CTNND2: variants seen among roughly 807,000 people sequenced by gnomAD.
CTNND2 encodes the protein catenin delta-2.
In CTNND2, 22 loss-of-function variants were observed where a neutral mutation model predicts 144.4. The ratio of observed to expected loss-of-function variants is 0.15; its 90% confidence interval spans 0.11 to 0.22. CTNND2 has a LOEUF of 0.22. Ranked by LOEUF, CTNND2 falls within the 10% of genes least tolerant of loss-of-function variation. The pLI is 1.00. For missense variants in CTNND2, 1,353 were observed against 1,618.8 expected, an observed-to-expected ratio of 0.84 and a Z score of 2.82; for synonymous variants, 751 against 695.6, an observed-to-expected ratio of 1.08 and a Z score of -1.25.
intron 2 of CTNND2, among the ~76,000 whole-genome samples, chr5:11,565,905 T>G (rs972657780): frequency 5.3e-5 from 8 of 152,172 alleles, no homozygotes; most frequent in African/African-American, 1.7e-4. Flanking sequence ...CAGGGAAAGT[T>G]TTTACAATGT....
chr5:11,019,971 G>A (rs773986370), intron 17 of CTNND2, among the ~76,000 whole-genome samples: 1 of 152,170 alleles, frequency 6.6e-6, no homozygotes, highest in African/African-American at 2.4e-5. Context: ...TCAAAATGGC[G>A]AGTATAAGAC....
intron 11 of CTNND2, among the ~76,000 whole-genome samples, chr5:11,187,177 C>A (rs1029954537): frequency 4.6e-5 from 7 of 152,126 alleles, no homozygotes; most frequent in African/African-American, 1.7e-4. Context: ...GCTTGACTTA[C>A]CCATATATAA....
At chr5:11,182,097 G>A (rs1361039748) in intron 11 of CTNND2, among the ~76,000 whole-genome samples, 4 of 140,848 alleles carry the variant, frequency 2.8e-5, no homozygotes, top group African/African-American at 5.3e-5. Flanking sequence ...TGGGGTGTGT[G>A]TGGATGGAGT....
intron 10 of CTNND2, among the ~76,000 whole-genome samples, chr5:11,221,417 A>T (rs978961438): frequency 6.6e-6 from 1 of 152,218 alleles, no homozygotes; most frequent in African/African-American, 2.4e-5. Flanking sequence ...AGGAGGTCTA[A>T]ATCTTTAGAT....
chr5:11,066,726 A>G (rs1488965808), intron 16 of CTNND2, among the ~76,000 whole-genome samples: 1 of 152,152 alleles, frequency 6.6e-6, no homozygotes, highest in East Asian at 1.9e-4. Flanking sequence ...TCCAAGACCA[A>G]CAGCGAGACT....
At chr5:11,182,194 ATGTGTGTGTGGGTGTGTGTGTAG>A (rs985570528) in intron 11 of CTNND2, among the ~76,000 whole-genome samples, 5 of 98,898 alleles carry the variant, frequency 5.1e-5, no homozygotes, top group African/African-American at 2.0e-4. Flanking sequence ...TGTGTGGGGT[ATGTGTGTGTGGGTGTGTGTGTAG>A]TGTGTGTGTG....
At chr5:11,874,466 A>G (rs1735402172) in intron 1 of CTNND2, among the ~76,000 whole-genome samples, 2 of 152,306 alleles carry the variant, frequency 1.3e-5, no homozygotes, top group South Asian at 4.1e-4. Context: ...ATATACCAGC[A>G]TCGCTACTCT....
intron 3 of CTNND2, among the ~76,000 whole-genome samples, chr5:11,430,859 T>C (rs1374752959): frequency 1.3e-5 from 2 of 152,246 alleles, no homozygotes; most frequent in Non-Finnish European, 2.9e-5. Context: ...ATCTGAGCTA[T>C]GCATAGGGGT....
chr5:11,458,948 T>C (rs943492931), intron 3 of CTNND2, among the ~76,000 whole-genome samples: 1 of 151,870 alleles, frequency 6.6e-6, no homozygotes, highest in Non-Finnish European at 1.5e-5. Context: ...TTTTTTTTTT[T>C]TGGTAGAGAT....
At chr5:11,595,764 G>T (rs1779472414) in intron 2 of CTNND2, among the ~76,000 whole-genome samples, 2 of 152,228 alleles carry the variant, frequency 1.3e-5, no homozygotes, top group East Asian at 3.9e-4. Flanking sequence ...TAAAAAGCTT[G>T]AAGACAGCAA....
chr5:11,267,324 C>T (rs576730215), intron 9 of CTNND2, among the ~76,000 whole-genome samples: 14 of 152,208 alleles, frequency 9.2e-5, no homozygotes, highest in African/African-American at 1.4e-4. Flanking sequence ...AATTGGGCTA[C>T]GTGGTGATGG....
At chr5:11,591,422 A>G (rs1260218956) in intron 2 of CTNND2, among the ~76,000 whole-genome samples, 4 of 152,136 alleles carry the variant, frequency 2.6e-5, no homozygotes, top group African/African-American at 4.8e-5. Context: ...GCTCCTAGTT[A>G]TCTCTCTTCT....
At chr5:11,210,472 G>A (rs1299026500) in intron 10 of CTNND2, among the ~76,000 whole-genome samples, 1 of 152,148 alleles carries the variant, frequency 6.6e-6, no homozygotes, top group African/African-American at 2.4e-5. Context: ...CTCTTCAAAT[G>A]CCGGTCTTAC....
intron 2 of CTNND2, among the ~76,000 whole-genome samples, chr5:11,586,697 T>C (rs1484034073): frequency 1.3e-5 from 2 of 152,210 alleles, no homozygotes; most frequent in African/African-American, 2.4e-5. Context: ...TTCTTAATTG[T>C]GTGGATAAAA....
intron 1 of CTNND2, among the ~76,000 whole-genome samples, chr5:11,785,634 C>CAAA: frequency 6.9e-6 from 1 of 143,892 alleles, no homozygotes; most frequent in Non-Finnish European, 1.5e-5. Context: ...AGGAGTATCC[C>CAAA]AAACTCGCAG....
intron 1 of CTNND2, among the ~76,000 whole-genome samples, chr5:11,767,213 G>C (rs555494880): frequency 1.3e-5 from 2 of 152,340 alleles, no homozygotes; most frequent in African/African-American, 4.8e-5. Flanking sequence ...TCCTAGAATT[G>C]AGTAATGTGC....
At chr5:11,161,059 G>T (rs796753996) in intron 11 of CTNND2, among the ~76,000 whole-genome samples, 12 of 152,328 alleles carry the variant, frequency 7.9e-5, no homozygotes, top group African/African-American at 2.9e-4. Flanking sequence ...TGTTTTTAGT[G>T]CCCAGCATGC....
At chr5:11,872,328 G>C (rs1582040837) in intron 1 of CTNND2, among the ~76,000 whole-genome samples, 1 of 152,184 alleles carries the variant, frequency 6.6e-6, no homozygotes, top group African/African-American at 2.4e-5. Flanking sequence ...ATTGTGAATA[G>C]CGCTGCAATA....
intron 1 of CTNND2, among the ~76,000 whole-genome samples, chr5:11,884,033 T>C (rs941823785): frequency 6.6e-6 from 1 of 152,224 alleles, no homozygotes; most frequent in Non-Finnish European, 1.5e-5. Flanking sequence ...GGTTGTTTTT[T>C]TCTTGTACAT....
Sources: allele counts gnomAD v4.1 joint callset (sites outside exome capture counted in the v4.1 genomes callset), GRCh38; gene constraint gnomAD v4.1.1; transcripts MANE v1.5; gene names NCBI Gene and HGNC (gene_info 2026-07-23, HGNC 2026-07-21).